Variants in PKDREJ observed in about 807,000 individuals in gnomAD.
PKDREJ encodes polycystin family receptor for egg jelly.
For missense variants in PKDREJ, 2,507 were observed against 2,807.2 expected, an observed-to-expected ratio of 0.89 and a Z score of 2.42; for synonymous variants, 1,031 against 1,095.5, an observed-to-expected ratio of 0.94 and a Z score of 1.16.
In PKDREJ at chr22:46,257,764, G is replaced by T. The variant is rs200001840; in HGVS notation, c.5559C>A (p.Thr1853=). The change falls in exon 1 of 1, where the codon ACC becomes ACA. Residue 1853 remains threonine (T), a synonymous_variant. Coordinates refer to ENST00000253255, the MANE Select transcript of PKDREJ (RefSeq NM_006071.2). The surrounding 1 kb of genome is among the most constrained non-coding windows in gnomAD (Gnocchi z 4.7). ...EVDKQAIDES[T]NGFTYKPQGT... is the part of the protein sequence containing the mutation. Reference sequence around the variant, plus strand: ...CTTGAGGCTTATAAGTAAATCCATTGGTACTCTCATCTATAGCCTGCTTAT... The same window carrying T: ...CTTGAGGCTTATAAGTAAATCCATTTGTACTCTCATCTATAGCCTGCTTAT... 1.5e-5 allele frequency: 25 copies of T among 1,613,992 alleles called. No homozygotes were observed. The African/African-American group carries it at 3.3e-4, about 22-fold the overall frequency.
rs777615498 is a variant in PKDREJ at position 46,256,519 on chromosome 22, G to T, written c.*42C>A. 59 of 1,573,870 alleles carry T rather than the reference G, an allele frequency of 3.7e-5. No homozygotes were observed. Among genetic ancestry groups the T allele is most frequent in the Non-Finnish European group, 5.1e-5 (59 of 1,164,086 alleles). On this transcript the variant is annotated 3_prime_UTR_variant, in exon 1 of 1. Coordinates refer to ENST00000253255, the MANE Select transcript of PKDREJ (RefSeq NM_006071.2). The surrounding 1 kb of genome is among the most constrained non-coding windows in gnomAD (Gnocchi z 5.3). ...TCCCCTTAATCCCACAGACTCAGCA[G>T]TTGGGGGAACGCTTGCTTGTGACTC...
At position 46,256,983 on chromosome 22, in the gene PKDREJ, G is replaced by A. The variant is rs1936638793; in HGVS notation, c.6340C>T (p.His2114Tyr). The A allele has an allele frequency of 1.2e-6, 2 of 1,613,990 alleles. No homozygotes were observed. Among genetic ancestry groups the A allele is most frequent in the East Asian group, 4.5e-5 (2 of 44,890 alleles). The change falls in exon 1 of 1, where the codon CAT becomes TAT. Residue 2114 changes from histidine (H) to tyrosine (Y), a missense_variant. Physicochemically the swap from His to Tyr is moderately conservative, Grantham distance 83 (BLOSUM62 2). Coordinates refer to ENST00000253255, the MANE Select transcript of PKDREJ (RefSeq NM_006071.2). The surrounding 1 kb of genome is among the most constrained non-coding windows in gnomAD (Gnocchi z 5.3). ...ATCAAGTTACTGTAGTTCCATTCAT[G>A]CTGACCAAACACCAGGTAACCAAAA... Reference protein sequence around the residue: ...MAFGYLVFGQHEWNYSNLIHS... With the variant: ...MAFGYLVFGQYEWNYSNLIHS...
chr22:46,258,136 G>A lies in PKDREJ; in HGVS notation c.5187C>T (p.Val1729=), dbSNP rs750925768. 9 of 1,614,114 alleles carry A rather than the reference G, an allele frequency of 5.6e-6. No individual in the cohort carries two copies. The highest frequency in any genetic ancestry group is 7.6e-6 in the Non-Finnish European group (9 of 1,179,940). The change falls in exon 1 of 1, where the codon GTC becomes GTT. Residue 1729 remains valine, a synonymous_variant. Transcript: ENST00000253255. This position sits in a 1 kb window ranked among gnomAD's most constrained non-coding sequence, Gnocchi z 6.1. ...AAAAGCAGTCAGTGTGACGTAGTAA[G>A]ACGATAAGGATCAACAGAAGGGCTA... is the stretch of plus-strand genomic sequence containing the variant. The part of the protein sequence containing the change: ...IFLALLLILI[V]LLRHTDCFYY...
At position 46,258,754 on chromosome 22, in the gene PKDREJ, A is replaced by G. The variant is rs763104769; in HGVS notation, c.4569T>C (p.His1523=). 1.9e-6 allele frequency: 3 copies of G among 1,614,110 alleles called. No individual in the cohort carries two copies. The highest frequency in any genetic ancestry group is 2.5e-6 in the Non-Finnish European group (3 of 1,180,026). Residue 1523 remains histidine (H), a synonymous_variant, in exon 1 of 1, where the codon CAT becomes CAC. Transcript: ENST00000253255. The surrounding 1 kb of genome is among the most constrained non-coding windows in gnomAD (Gnocchi z 6.1). ...CCGGGGTCTTGATTTGTGCTTTCCTATGCCTGTGCTTGGGTTTGGAGGTTG... is the reference window on the plus strand; with the variant it reads ...CCGGGGTCTTGATTTGTGCTTTCCTGTGCCTGTGCTTGGGTTTGGAGGTTG... ...PKATSKPKHR[H]RKAQIKTPET...
In PKDREJ at chr22:46,261,691, C is replaced by T. The variant is rs1195773438; in HGVS notation, c.1632G>A (p.Trp544Ter). The change falls in exon 1 of 1, where the codon TGG becomes TGA. Residue 544 changes from tryptophan to a stop codon, truncating the protein, a stop_gained. Coordinates refer to ENST00000253255, the MANE Select transcript of PKDREJ (RefSeq NM_006071.2). LOFTEE classifies it low-confidence loss of function (END_TRUNC). This position sits in a 1 kb window ranked among gnomAD's most constrained non-coding sequence, Gnocchi z 7.1. Reference protein sequence around the residue: ...EFSISLYLACWSGVTSVFRHS... With the variant: ...EFSISLYLAC Reference sequence around the variant, plus strand: ...GCCTGAAGACCGAGGTCACTCCACTCCAACATGCTAGATACAGAGAAATCG... The same window carrying T: ...GCCTGAAGACCGAGGTCACTCCACTTCAACATGCTAGATACAGAGAAATCG... 2 of 1,614,008 alleles carry T rather than the reference C, an allele frequency of 1.2e-6. No individual in the cohort carries two copies. The highest frequency in any genetic ancestry group is 2.7e-5 in the African/African-American group (2 of 75,020).
Position 46,257,567 on chromosome 22 carries a change from G to A in PKDREJ, c.5756C>T (p.Thr1919Ile), listed in dbSNP as rs778545447. Residue 1919 changes from threonine (T) to isoleucine (I), a missense_variant, in exon 1 of 1, where the codon ACA becomes ATA. Thr to Ile is a moderately conservative substitution (Grantham distance 89). Coordinates refer to ENST00000253255, the MANE Select transcript of PKDREJ (RefSeq NM_006071.2). This position sits in a 1 kb window ranked among gnomAD's most constrained non-coding sequence, Gnocchi z 4.7. ...CAGATTTATATCTGGATTAAAAGTTGTTAATTCCAAAACCACAGCCCATGT... is the reference window on the plus strand; with the variant it reads ...CAGATTTATATCTGGATTAAAAGTTATTAATTCCAAAACCACAGCCCATGT... Reference protein sequence around the residue: ...EKTWAVVLELTTFNPDINLFC... With the variant: ...EKTWAVVLELITFNPDINLFC... The A allele has an allele frequency of 6.2e-7, 1 of 1,614,114 alleles. No homozygotes were observed. The highest frequency in any genetic ancestry group is 8.5e-7 in the Non-Finnish European group (1 of 1,180,014).
rs1936672314 is a variant in PKDREJ, at chr22:46,259,620, T to A, written c.3703A>T (p.Thr1235Ser). Reference sequence around the variant, plus strand: ...CCCCAACGACTTCCTGTAAAAATAGTCACCAAGTAGCATAAATTATCATAA... The same window carrying A: ...CCCCAACGACTTCCTGTAAAAATAGACACCAAGTAGCATAAATTATCATAA... ...DPYDNLCYLV[T>S]IFTGSRWGSG... Residue 1235 changes from threonine (T) to serine (S), a missense_variant, in exon 1 of 1, where the codon ACT (threonine) becomes TCT (serine). Coordinates refer to ENST00000253255, the MANE Select transcript of PKDREJ (RefSeq NM_006071.2). This position sits in a 1 kb window ranked among gnomAD's most constrained non-coding sequence, Gnocchi z 6.8. The A allele has an allele frequency of 6.2e-7, 1 of 1,614,044 alleles. No homozygotes were observed. The highest frequency in any genetic ancestry group is 1.7e-5 in the Admixed American group (1 of 60,004).
In PKDREJ at chr22:46,263,247, C is replaced by A; in HGVS notation, c.76G>T (p.Val26Phe). 4 of 1,466,102 alleles carry A rather than the reference C, an allele frequency of 2.7e-6. No homozygotes were observed. The highest frequency in any genetic ancestry group is 2.7e-6 in the Non-Finnish European group (3 of 1,116,252). The allele number at this position is 1,466,102 out of a possible 1,614,324, so 90.8% of individuals were successfully genotyped here. The change falls in exon 1 of 1, where the codon GTT becomes TTT. Residue 26 changes from valine (V) to phenylalanine (F), a missense_variant. Val to Phe is a conservative substitution (Grantham distance 50, BLOSUM62 -1). Transcript: ENST00000253255. This position sits in a 1 kb window ranked among gnomAD's most constrained non-coding sequence, Gnocchi z 9.4. ...LSVGRLPLPP[V>F]PRGAQAAVSG... ...ACGGCGGCTTGTGCCCCGCGAGGAACCGGCGGCAGCGGGAGGCGGCCGACG... is the reference window on the plus strand; with the variant it reads ...ACGGCGGCTTGTGCCCCGCGAGGAAACGGCGGCAGCGGGAGGCGGCCGACG...
In PKDREJ at chr22:46,263,308, G is replaced by C. The variant is rs1342853981; in HGVS notation, c.15C>G (p.Pro5=). MRPG[P]ALLLLGVGLS... Reference sequence around the variant, plus strand: ...GGCCCACGCCCAGAAGGAGGAGAGCGGGCCCAGGCCTCATGGCGCCGGCCC... The same window carrying C: ...GGCCCACGCCCAGAAGGAGGAGAGCCGGCCCAGGCCTCATGGCGCCGGCCC... Residue 5 remains proline, a synonymous_variant, in exon 1 of 1, where the codon CCC becomes CCG. Coordinates refer to ENST00000253255, the MANE Select transcript of PKDREJ (RefSeq NM_006071.2). This position sits in a 1 kb window ranked among gnomAD's most constrained non-coding sequence, Gnocchi z 9.4. 4 of 1,441,856 alleles carry C rather than the reference G, an allele frequency of 2.8e-6. No individual in the cohort carries two copies. Among genetic ancestry groups the C allele is most frequent in the East Asian group, 3.0e-5 (1 of 33,034 alleles). The allele number at this position is 1,441,856 out of a possible 1,614,324, so 89.3% of individuals were successfully genotyped here.
rs770524213 is a variant in PKDREJ, at chr22:46,257,466, A to G, written c.5857T>C (p.Ser1953Pro). 6.2e-7 allele frequency: 1 copy of G among 1,614,050 alleles called. No homozygotes were observed. The change falls in exon 1 of 1, where the codon TCA becomes CCA. Residue 1953 changes from serine to proline, a missense_variant. Transcript: ENST00000253255. This position sits in a 1 kb window ranked among gnomAD's most constrained non-coding sequence, Gnocchi z 4.7. Reference protein sequence around the residue: ...VNTSISLHSFSLADFDRKASA... With the variant: ...VNTSISLHSFPLADFDRKASA... ...GCTTTTCTGTCAAAATCAGCAAGTG[A>G]AAAAGAGTGCAGAGATATGCTTGTG... is the stretch of plus-strand genomic sequence containing the variant.
rs765398398 is a variant in PKDREJ at position 46,257,501 on chromosome 22, C to T, written c.5822G>A (p.Gly1941Glu). 6.2e-7 allele frequency: 1 copy of T among 1,614,048 alleles called. No individual in the cohort carries two copies. The highest frequency in any genetic ancestry group is 1.1e-5 in the South Asian group (1 of 91,058). The change falls in exon 1 of 1, where the codon GGA (glycine) becomes GAA (glutamate). Residue 1941 changes from glycine (G) to glutamate (E), a missense_variant. By Grantham distance (98) the Gly-to-Glu change is moderately conservative (BLOSUM62 -2). Transcript: ENST00000253255. This position sits in a 1 kb window ranked among gnomAD's most constrained non-coding sequence, Gnocchi z 4.7. ...CAGAGATATGCTTGTGTTGACAACT[C>T]CTAACTGAGAGACTTCAAATATGAC... ...ISVIFEVSQLGVVNTSISLHS... is the reference protein window; with the variant it reads ...ISVIFEVSQLEVVNTSISLHS...
rs377159496 is a variant in PKDREJ, at chr22:46,258,345, A to G, written c.4978T>C (p.Leu1660=). 84 of 1,614,008 alleles carry G rather than the reference A, an allele frequency of 5.2e-5. No homozygotes were observed. Among genetic ancestry groups the G allele is most frequent in the Non-Finnish European group, 6.5e-5 (77 of 1,180,036 alleles). ...STKYKYTEIR[L]DGMRMHPEEM... ...TCTGGATGCATACGCATTCCATCCA[A>G]CCTGATCTCAGTATATTTATACTTG... Residue 1660 remains leucine (L), a synonymous_variant, in exon 1 of 1, where the codon TTG becomes CTG. Transcript: ENST00000253255. This position sits in a 1 kb window ranked among gnomAD's most constrained non-coding sequence, Gnocchi z 6.1.
chr22:46,256,493 A>T lies in PKDREJ; in HGVS notation c.*68T>A. On this transcript the variant is annotated 3_prime_UTR_variant, in exon 1 of 1. Transcript: ENST00000253255. The surrounding 1 kb of genome is among the most constrained non-coding windows in gnomAD (Gnocchi z 5.3). ...ATGACTAGGCCACTGACACTCCCTA[A>T]TCCCCTTAATCCCACAGACTCAGCA... 6.5e-7 allele frequency: 1 copy of T among 1,543,314 alleles called. No homozygotes were observed. The highest frequency in any genetic ancestry group is 8.7e-7 in the Non-Finnish European group (1 of 1,152,754).
In PKDREJ at chr22:46,262,894, G is replaced by T. The variant is rs1936715264; in HGVS notation, c.429C>A (p.Phe143Leu). 1 of 1,073,258 alleles carries T rather than the reference G, an allele frequency of 9.3e-7. No individual in the cohort carries two copies. The highest frequency in any genetic ancestry group is 4.4e-5 in the South Asian group (1 of 22,950). The allele number at this position is 1,073,258 out of a possible 1,614,324, so 66.5% of individuals were successfully genotyped here. A position where few individuals can be genotyped will look rare whatever the true frequency, so the allele number is the denominator to read the frequency against. ...PRSPGRLAWA[F>L]RLRLLGPGAA... Reference sequence around the variant, plus strand: ...CGCCGGGTCCGAGCAGCCGCAGGCGGAAGGCCCAGGCCAGGCGCCCGGGCG... The same window carrying T: ...CGCCGGGTCCGAGCAGCCGCAGGCGTAAGGCCCAGGCCAGGCGCCCGGGCG... The change falls in exon 1 of 1, where the codon TTC becomes TTA. Residue 143 changes from phenylalanine to leucine, a missense_variant. Coordinates refer to ENST00000253255, the MANE Select transcript of PKDREJ (RefSeq NM_006071.2). This position sits in a 1 kb window ranked among gnomAD's most constrained non-coding sequence, Gnocchi z 8.1.
rs1355315631 is a variant in PKDREJ, at chr22:46,263,062, G to A, written c.261C>T (p.Arg87=). ...LCFPHGGTGR[R]WYCLDLRVLL... is the part of the protein sequence containing the mutation. ...GGACGCGCAAGTCGAGGCAGTACCA[G>A]CGCCGCCCGGTCCCGCCATGGGGGA... is the stretch of plus-strand genomic sequence containing the variant. Residue 87 remains arginine, a synonymous_variant, in exon 1 of 1, where the codon CGC becomes CGT. Transcript: ENST00000253255. The surrounding 1 kb of genome is among the most constrained non-coding windows in gnomAD (Gnocchi z 9.4). 1 of 1,335,366 alleles carries A rather than the reference G, an allele frequency of 7.5e-7. No homozygotes were observed. Among genetic ancestry groups the A allele is most frequent in the Non-Finnish European group, 9.7e-7 (1 of 1,032,090 alleles). 82.7% of individuals were successfully genotyped at this position (1,335,366 alleles called of 1,614,324 possible).
Position 46,259,855 on chromosome 22 carries a change from G to A in PKDREJ, c.3468C>T (p.Thr1156=). ...CAATCACCTTGGCCATCACATAGTG[G>A]GTATGCAGGTGAATGCCCGTGAGTC... ...TIGLTGIHLH[T]HYVMAKVIVI... The change falls in exon 1 of 1, where the codon ACC becomes ACT. Residue 1156 remains threonine (T), a synonymous_variant. Transcript: ENST00000253255. The surrounding 1 kb of genome is among the most constrained non-coding windows in gnomAD (Gnocchi z 6.8). 6.2e-7 allele frequency: 1 copy of A among 1,613,348 alleles called. No homozygotes were observed. Among genetic ancestry groups the A allele is most frequent in the Non-Finnish European group, 8.5e-7 (1 of 1,179,998 alleles).
At position 46,259,863 on chromosome 22, in the gene PKDREJ, G is replaced by T; in HGVS notation, c.3460C>A (p.Leu1154Met). 6.2e-7 allele frequency: 1 copy of T among 1,613,500 alleles called. No homozygotes were observed. The highest frequency in any genetic ancestry group is 8.5e-7 in the Non-Finnish European group (1 of 1,180,016). The change falls in exon 1 of 1, where the codon CTG becomes ATG. Residue 1154 changes from leucine to methionine, a missense_variant. By Grantham distance (15) the Leu-to-Met change is conservative. Transcript: ENST00000253255. This position sits in a 1 kb window ranked among gnomAD's most constrained non-coding sequence, Gnocchi z 6.8. ...TTGGCCATCACATAGTGGGTATGCA[G>T]GTGAATGCCCGTGAGTCCGATTGTG... ...LGTIGLTGIH[L>M]HTHYVMAKVI...
In PKDREJ at chr22:46,259,134, A is replaced by G; in HGVS notation, c.4189T>C (p.Leu1397=). The change falls in exon 1 of 1, where the codon TTG becomes CTG. Residue 1397 remains leucine, a synonymous_variant. Transcript: ENST00000253255. This position sits in a 1 kb window ranked among gnomAD's most constrained non-coding sequence, Gnocchi z 6.8. ...ATGTTACAAAGAAGAGAGCTAAGCA[A>G]CATTGCTAAACAACAGGACAATCTC... The part of the protein sequence containing the change: ...LQRLSCCLAM[L]LSSLLCNIMF... 1.2e-6 allele frequency: 2 copies of G among 1,614,112 alleles called. No homozygotes were observed. The highest frequency in any genetic ancestry group is 2.2e-5 in the South Asian group (2 of 91,076).
chr22:46,260,547 C>A lies in PKDREJ; in HGVS notation c.2776G>T (p.Val926Leu). The A allele has an allele frequency of 1.2e-6, 2 of 1,614,102 alleles. No homozygotes were observed. The highest frequency in any genetic ancestry group is 1.7e-6 in the Non-Finnish European group (2 of 1,179,976). ...PWLNDQENTSVEVSGFRMTGV... is the reference protein window; with the variant it reads ...PWLNDQENTSLEVSGFRMTGV... ...GTCATTCTGAATCCAGACACCTCCA[C>A]CGAAGTGTTTTCCTGATCATTTAAC... The change falls in exon 1 of 1, where the codon GTG (valine) becomes TTG (leucine). Residue 926 changes from valine (V) to leucine (L), a missense_variant. By Grantham distance (32) the Val-to-Leu change is conservative. Transcript: ENST00000253255. This position sits in a 1 kb window ranked among gnomAD's most constrained non-coding sequence, Gnocchi z 4.5.
Sources: allele counts gnomAD v4.1 joint callset, GRCh38; gene constraint gnomAD v4.1.1; non-coding constraint Gnocchi (gnomAD v3.1); transcripts MANE v1.5; gene names NCBI Gene and HGNC (gene_info 2026-07-23, HGNC 2026-07-21).